DPEP1: variants seen among roughly 807,000 people sequenced by gnomAD.
DPEP1 encodes the protein dipeptidase 1.
DPEP1 carries 50 observed loss-of-function variants against 42.3 expected under a neutral mutation model. The ratio of observed to expected loss-of-function variants is 1.18; its 90% CI spans 0.94 to 1.50. The LOEUF (loss-of-function observed/expected upper bound fraction) is 1.50, where lower values mean the gene tolerates loss of function less well. Among genes scored for constraint, DPEP1 ranks in the 40% most tolerant of loss-of-function variants. The probability of loss-of-function intolerance (pLI) is 0.00; values close to 1 mark genes in which losing one functional copy is unlikely to be tolerated. For synonymous variants in DPEP1, 297 were observed against 234.0 expected (o/e 1.27, Z -2.46); for missense variants, 663 against 553.0 (o/e 1.20, Z -1.99).
intron 2 of DPEP1, 78 bp from the exon 3 acceptor site, chr16:89,635,830 C>T: frequency 1.3e-6 from 2 of 1,496,592 alleles, no homozygotes; most frequent in Admixed American, 2.3e-5. Context: ...GGGAGAGCAG[C>T]CCAGAGGCCA....
chr16:89,616,532 G>A (rs1276002009), intron 1 of DPEP1, among the ~76,000 whole-genome samples: 1 of 152,204 alleles, frequency 6.6e-6, no homozygotes, highest in Admixed American at 6.5e-5. Flanking sequence ...TCGAGGACAG[G>A]GCGATTGCTC....
intron 2 of DPEP1, among the ~76,000 whole-genome samples, chr16:89,631,818 C>T (rs1182873201): frequency 6.6e-6 from 1 of 152,120 alleles, no homozygotes; most frequent in African/African-American, 2.4e-5. Context: ...TATCGGGCCA[C>T]TGTACTTCAG....
At position 89,630,723 on chromosome 16, in the gene DPEP1, G is replaced by A. The variant is rs1214597086; in HGVS notation, c.104+209G>A. ...GGCTGGGGGAGCCGGGGCTGGGGGT[G>A]CCGGGGCTGGGGGTGCCGGGGCTGG... On this transcript the variant is annotated intron_variant, in intron 2 of 10. Coordinates refer to ENST00000690203, the MANE Select transcript of DPEP1 (RefSeq NM_001389466.1). 2.8e-5 allele frequency among the ~76,000 whole-genome samples: 3 copies of A among 108,828 alleles called. No individual in the cohort carries two copies. The Middle Eastern group carries it at 0.014, about 513-fold the overall frequency. 71.4% of individuals were successfully genotyped at this position (108,828 alleles called of 152,430 possible).
chr16:89,613,929 G>C (rs187720), intron 1 of DPEP1, among the ~76,000 whole-genome samples: 885 of 39,790 alleles, frequency 0.022, 26 homozygotes, highest in Non-Finnish European at 0.027. Flanking sequence ...AGGAGGCTGG[G>C]ACCAGGTGTG....
intron 1 of DPEP1, chr16:89,616,872 C>T (rs1468676863): frequency 6.3e-5 from 15 of 238,638 alleles, no homozygotes; most frequent in Admixed American, 3.4e-4. Context: ...AGGAAGTGGG[C>T]AGGAAGCGGC....
chr16:89,625,762 C>T (rs1190774442), intron 1 of DPEP1, among the ~76,000 whole-genome samples: 1 of 152,212 alleles, frequency 6.6e-6, no homozygotes, highest in Non-Finnish European at 1.5e-5. Context: ...CGAGGGTGAT[C>T]TGAGTGGCTG....
intron 4 of DPEP1, 43 bp downstream of exon 4, chr16:89,636,439 C>G: frequency 6.3e-7 from 1 of 1,599,204 alleles, no homozygotes; most frequent in Non-Finnish European, 8.5e-7. Flanking sequence ...CGTCTTCTCA[C>G]CCAGCCCTCA....
intron 1 of DPEP1, among the ~76,000 whole-genome samples, chr16:89,621,647 G>A (rs933211332): frequency 1.3e-5 from 2 of 152,228 alleles, no homozygotes; most frequent in Non-Finnish European, 2.9e-5. Flanking sequence ...GCTGAGTGTG[G>A]GCTCCCGTCC....
At chr16:89,614,409 G>A (rs1437415163) in intron 1 of DPEP1, among the ~76,000 whole-genome samples, 1 of 152,200 alleles carries the variant, frequency 6.6e-6, no homozygotes, top group Non-Finnish European at 1.5e-5. Flanking sequence ...GGAATTCTCT[G>A]CGCAGTCATC....
At chr16:89,633,888 C>G (rs1597766220) in intron 2 of DPEP1, among the ~76,000 whole-genome samples, 1 of 152,134 alleles carries the variant, frequency 6.6e-6, no homozygotes, top group East Asian at 1.9e-4. Context: ...AGGGGCACAG[C>G]CCACATTACA....
At chr16:89,632,604 G>T (rs536437376) in intron 2 of DPEP1, among the ~76,000 whole-genome samples, 1 of 152,154 alleles carries the variant, frequency 6.6e-6, no homozygotes, top group Non-Finnish European at 1.5e-5. Context: ...GCAGGACGCC[G>T]GCTTCCATAT....
intron 1 of DPEP1, among the ~76,000 whole-genome samples, chr16:89,628,818 G>A (rs1257165775): frequency 6.6e-6 from 1 of 151,810 alleles, no homozygotes; most frequent in African/African-American, 2.4e-5. Context: ...AGGGGGGGCG[G>A]TTTGTGTTTT....
intron 2 of DPEP1, among the ~76,000 whole-genome samples, chr16:89,635,226 C>G (rs1211910682): frequency 1.3e-5 from 2 of 150,000 alleles, no homozygotes; most frequent in Non-Finnish European, 3.0e-5. Flanking sequence ...TTTCCCCTTC[C>G]TTCTCATTTT....
chr16:89,614,687 C>A (rs1017296034), intron 1 of DPEP1, among the ~76,000 whole-genome samples: 2 of 152,110 alleles, frequency 1.3e-5, no homozygotes, highest in Non-Finnish European at 2.9e-5. Context: ...CCCAGCTACT[C>A]GGGAGGCTGA....
At chr16:89,641,466 C>T (rs1196866512), downstream of DPEP1, among the ~76,000 whole-genome samples, 1 of 152,186 alleles carries the variant, frequency 6.6e-6, no homozygotes, top group Non-Finnish European at 1.5e-5. Context: ...TCTGTATGGC[C>T]TGGTTTGTCC....
intron 1 of DPEP1, among the ~76,000 whole-genome samples, chr16:89,618,385 T>G (rs944504199): frequency 1.3e-5 from 2 of 152,048 alleles, no homozygotes; most frequent in African/African-American, 4.8e-5. Flanking sequence ...CTTGGCTAAT[T>G]TTTATATTTT....
At chr16:89,625,369 C>G in intron 1 of DPEP1, among the ~76,000 whole-genome samples, 1 of 152,160 alleles carries the variant, frequency 6.6e-6, no homozygotes, top group South Asian at 2.1e-4. Context: ...ACCGTCAGTT[C>G]TCTTCCCAAC....
Position 89,638,117 on chromosome 16 carries a change from C to G in DPEP1, c.1131C>G (p.Cys377Trp). 6.2e-7 allele frequency: 1 copy of G among 1,612,364 alleles called. No individual in the cohort carries two copies. Among genetic ancestry groups the G allele is most frequent in the Non-Finnish European group, 8.5e-7 (1 of 1,179,824 alleles). ...CGCTGGACCAGCTGGGTGGCTCCTG[C>G]AGGACCCATTACGGCTACTCCTCTG... ...PIPLDQLGGS[C>W]RTHYGYSSGA... Residue 377 changes from cysteine to tryptophan, a missense_variant, in exon 11 of 11, where the codon TGC (cysteine) becomes TGG (tryptophan). Transcript: ENST00000690203.
At chr16:89,624,168 A>G (rs972342761) in intron 1 of DPEP1, among the ~76,000 whole-genome samples, 1 of 152,108 alleles carries the variant, frequency 6.6e-6, no homozygotes, top group African/African-American at 2.4e-5. Flanking sequence ...GCCAACTCTA[A>G]TGGAATAGGG....
Sources: allele counts gnomAD v4.1 joint callset (sites outside exome capture counted in the v4.1 genomes callset), GRCh38; gene constraint gnomAD v4.1.1; transcripts MANE v1.5; gene names NCBI Gene and HGNC (gene_info 2026-07-23, HGNC 2026-07-21).